The following ZNF606 variants were observed in gnomAD, a reference collection of about 807,000 sequenced individuals.
ZNF606 encodes zinc finger protein 328.
Under a neutral mutation model 74.9 loss-of-function variants are expected in ZNF606, and 37 were observed. The observed-to-expected ratio is 0.49, with a 90% CI of 0.38 to 0.65. The LOEUF (loss-of-function observed/expected upper bound fraction) is 0.65, where lower values mean the gene tolerates loss of function less well. ZNF606 is among the 30% of genes least tolerant of loss of function. The pLI, the probability that ZNF606 is intolerant of heterozygous loss-of-function variation, is 0.00. For synonymous variants in ZNF606, 328 were observed against 312.4 expected, an observed-to-expected ratio of 1.05 and a Z score of -0.53; for missense variants, 852 against 952.9, an observed-to-expected ratio of 0.89 and a Z score of 1.39.
rs189380267 is a variant in ZNF606, at chr19:57,989,534, C to T, written c.178-813G>A. 2.6e-3 allele frequency among the ~76,000 whole-genome samples: 390 copies of T among 152,098 alleles called. 1 individual carries two copies. The highest frequency in any genetic ancestry group is 0.017 in the Middle Eastern group (5 of 290). ...TGATCTCAGCTCACTACAACCTCTG[C>T]CTCCCAGGTTCAAGTGATCCTCCTG... On this transcript the variant is annotated intron_variant, in intron 4 of 6. Coordinates refer to ENST00000551380, the MANE Select transcript of ZNF606 (RefSeq NM_001348022.3).
At chr19:57,981,925 C>T (rs746168381) in intron 6 of ZNF606, among the ~76,000 whole-genome samples, 4 of 152,172 alleles carry the variant, frequency 2.6e-5, no homozygotes, top group Admixed American at 2.0e-4. Flanking sequence ...TGACTAAAGT[C>T]GAGACTCAGA....
intron 4 of ZNF606, among the ~76,000 whole-genome samples, chr19:57,991,906 G>T (rs2073267522): frequency 6.6e-6 from 1 of 152,126 alleles, no homozygotes; most frequent in South Asian, 2.1e-4. Flanking sequence ...TGTGCTGATG[G>T]CCCAGGGTGC....
chr19:57,987,988 G>C (rs2073190415), intron 6 of ZNF606, among the ~76,000 whole-genome samples: 1 of 152,192 alleles, frequency 6.6e-6, no homozygotes, highest in African/African-American at 2.4e-5. Context: ...AGGGACCGCA[G>C]AAAACAGGAG....
intron 5 of ZNF606, 70 bp from the exon 6 acceptor site, chr19:57,988,372 C>A: frequency 6.7e-7 from 1 of 1,487,854 alleles, no homozygotes; most frequent in Non-Finnish European, 9.2e-7. Flanking sequence ...GCTTCTCTTG[C>A]CTATTCCTCC....
At chr19:57,981,201 C>A (rs765073377) in intron 6 of ZNF606, among the ~76,000 whole-genome samples, 1 of 152,234 alleles carries the variant, frequency 6.6e-6, no homozygotes, top group African/African-American at 2.4e-5. Flanking sequence ...AAATTTCGCA[C>A]GTGTTGTCAC....
Position 57,978,303 on chromosome 19 carries a change from A to C in ZNF606, c.2377T>G (p.Ter793GlyextTer15), listed in dbSNP as rs2073019965. 1.3e-6 allele frequency: 2 copies of C among 1,554,830 alleles called. No homozygotes were observed. The highest frequency in any genetic ancestry group is 2.8e-5 in the African/African-American group (2 of 72,592). Residue 793 changes from the stop codon to glycine (G), a stop_lost, in exon 7 of 7, where the codon TGA becomes GGA. Transcript: ENST00000551380. The surrounding 1 kb of genome is among the most constrained non-coding windows in gnomAD (Gnocchi z 4.4). Reference protein sequence around the residue: ...QRNHSEEKLN* With the variant: ...QRNHSEEKLNG ...AGAAACGAAAAACTCGCATAAATTC[A>C]ATTCAGTTTCTCTTCACTGTGATTT...
At chr19:57,992,337 C>A (rs2073273411) in intron 4 of ZNF606, among the ~76,000 whole-genome samples, 1 of 152,170 alleles carries the variant, frequency 6.6e-6, no homozygotes, top group African/African-American at 2.4e-5. Context: ...TGATGCAATG[C>A]AGTATGAAGA....
chr19:57,991,212 C>T (rs75993650), intron 4 of ZNF606, among the ~76,000 whole-genome samples: 1 of 152,106 alleles, frequency 6.6e-6, no homozygotes, highest in East Asian at 1.9e-4. Flanking sequence ...ATCATTTTTG[C>T]TGATCTATAT....
At chr19:58,003,158 C>T, upstream of ZNF606, 1 of 444,520 alleles carries the variant, frequency 2.2e-6, no homozygotes, top group South Asian at 1.6e-5. Context: ...AGGGATCCTT[C>T]CATTTGGCGT....
At chr19:57,986,227 C>T (rs922619212) in intron 6 of ZNF606, among the ~76,000 whole-genome samples, 14 of 152,136 alleles carry the variant, frequency 9.2e-5, no homozygotes, top group African/African-American at 3.4e-4. Flanking sequence ...TGACTCACGC[C>T]TGTAATCCCA....
In ZNF606 at chr19:57,988,598, C is replaced by G. The variant is rs2073201897; in HGVS notation, c.301G>C (p.Val101Leu). 6.2e-7 allele frequency: 1 copy of G among 1,613,018 alleles called. No individual in the cohort carries two copies. Among genetic ancestry groups the G allele is most frequent in the Non-Finnish European group, 8.5e-7 (1 of 1,179,324 alleles). ...MLETYGHLLS[V>L]GNQIAKPEVI... Reference sequence around the variant, plus strand: ...ACTTGGGCAGCACCTGCCTTACCCACAGAGAGCAGGTGACCATAGGTCTCC... The same window carrying G: ...ACTTGGGCAGCACCTGCCTTACCCAGAGAGAGCAGGTGACCATAGGTCTCC... Residue 101 changes from valine (V) to leucine (L), a missense_variant, in exon 5 of 7, where the codon GTG (valine) becomes CTG (leucine). By Grantham distance (32) the Val-to-Leu change is conservative. Coordinates refer to ENST00000551380, the MANE Select transcript of ZNF606 (RefSeq NM_001348022.3).
chr19:57,978,693 G>A lies in ZNF606; in HGVS notation c.1987C>T (p.Gln663Ter), dbSNP rs2073027197. Residue 663 changes from glutamine to a stop codon, truncating the protein, a stop_gained, in exon 7 of 7, where the codon CAG (glutamine) becomes TAG (stop). Coordinates refer to ENST00000551380, the MANE Select transcript of ZNF606 (RefSeq NM_001348022.3). LOFTEE classifies it high-confidence loss of function. This position sits in a 1 kb window ranked among gnomAD's most constrained non-coding sequence, Gnocchi z 4.4. ...CGATGAGCAACAAGGTGACAGCTCT[G>A]ACTGAAGGATTTTCCACATTTATTG... ...ECNKCGKSFSQSCHLVAHRRI... is the reference protein window; with the variant it reads ...ECNKCGKSFS 2 of 1,614,016 alleles carry A rather than the reference G, an allele frequency of 1.2e-6. No individual in the cohort carries two copies. The highest frequency in any genetic ancestry group is 1.7e-6 in the Non-Finnish European group (2 of 1,180,042).
chr19:57,980,305 G>C (rs951812583), intron 6 of ZNF606, 26 bp from the exon 7 acceptor site: 3 of 1,566,668 alleles, frequency 1.9e-6, no homozygotes, highest in Middle Eastern at 1.7e-4. Context: ...AAAAAGCTAT[G>C]AGAGCATAGA....
Position 57,978,423 on chromosome 19 carries a change from T to G in ZNF606, c.2257A>C (p.Ile753Leu), listed in dbSNP as rs989013100. 1.7e-5 allele frequency: 27 copies of G among 1,613,906 alleles called. No individual in the cohort carries two copies. The highest frequency in any genetic ancestry group is 2.3e-5 in the Non-Finnish European group (27 of 1,179,898). ...KAFCKNSSLI[I>L]HQRMHSGEKR... ...TCTCCACTATGCATTCTCTGATGAA[T>G]AATAAGGGAAGAATTCTTACAAAAT... The change falls in exon 7 of 7, where the codon ATT becomes CTT. Residue 753 changes from isoleucine to leucine, a missense_variant. This residue lies in a region of ZNF606 where 64 missense variants were observed against 51.1 expected (regional missense o/e 1.25). Transcript: ENST00000551380. The surrounding 1 kb of genome is among the most constrained non-coding windows in gnomAD (Gnocchi z 4.4).
chr19:57,994,750 G>A (rs1473061104), intron 4 of ZNF606, among the ~76,000 whole-genome samples: 2 of 152,172 alleles, frequency 1.3e-5, no homozygotes, highest in South Asian at 2.1e-4. Context: ...CTGGTCCTGA[G>A]GTAAGCAAAC....
At chr19:58,001,978 A>G (rs1476333168) in intron 1 of ZNF606, 1 of 354,016 alleles carries the variant, frequency 2.8e-6, no homozygotes, top group Non-Finnish European at 5.6e-6. Flanking sequence ...CCTGGCGCCC[A>G]GACCCCTAAC....
rs758537967 is a variant in ZNF606, at chr19:57,979,081, C to T, written c.1599G>A (p.Met533Ile). Reference sequence around the variant, plus strand: ...ATTTAAAGGGTTTCTCTCCAGTATGCATTCTCATATGGGCAATAAGATGGG... The same window carrying T: ...ATTTAAAGGGTTTCTCTCCAGTATGTATTCTCATATGGGCAATAAGATGGG... ...WSSHLIAHMR[M>I]HTGEKPFKCD... The change falls in exon 7 of 7, where the codon ATG becomes ATA. Residue 533 changes from methionine (M) to isoleucine (I), a missense_variant. By Grantham distance (10) the Met-to-Ile change is conservative. This residue lies in a region of ZNF606 where 243 missense variants were observed against 359.2 expected (regional missense o/e 0.68). Transcript: ENST00000551380. 3 of 1,612,930 alleles carry T rather than the reference C, an allele frequency of 1.9e-6. No homozygotes were observed. In the South Asian group the frequency reaches 3.3e-5, roughly 18 times the overall value.
intron 4 of ZNF606, chr19:57,999,573 CACA>C: frequency 1.9e-6 from 1 of 522,328 alleles, no homozygotes; most frequent in Non-Finnish European, 3.4e-6. Flanking sequence ...CTTCATGCCC[CACA>C]ACAAGCCAGG....
At chr19:57,996,021 C>T (rs2073337160) in intron 4 of ZNF606, among the ~76,000 whole-genome samples, 1 of 152,118 alleles carries the variant, frequency 6.6e-6, no homozygotes, top group Non-Finnish European at 1.5e-5. Flanking sequence ...CCTTTTTACA[C>T]TTCTCTGTAA....
Sources: allele counts gnomAD v4.1 joint callset (sites outside exome capture counted in the v4.1 genomes callset), GRCh38; gene constraint gnomAD v4.1.1; regional missense constraint gnomAD v4.1.1; non-coding constraint Gnocchi (gnomAD v3.1); transcripts MANE v1.5; gene names NCBI Gene and HGNC (gene_info 2026-07-23, HGNC 2026-07-21).